Variants in NSFL1C observed in about 807,000 individuals in gnomAD.
The protein encoded by NSFL1C is NSFL1 cofactor p47.
A neutral mutation model predicts 43.1 loss-of-function variants in NSFL1C; 14 were observed. The ratio of observed to expected loss-of-function variants is 0.32; its 90% CI spans 0.21 to 0.51. The LOEUF is 0.51. Ranked by LOEUF, NSFL1C falls within the 20% of genes least tolerant of loss-of-function variation. The pLI, the probability that NSFL1C is intolerant of heterozygous loss-of-function variation, is 0.98. For missense variants in NSFL1C, 406 were observed against 472.5 expected, an observed-to-expected ratio of 0.86 and a Z score of 1.30; for synonymous variants, 171 against 183.5, an observed-to-expected ratio of 0.93 and a Z score of 0.55.
rs1386127159 is a variant in NSFL1C at position 1,443,838 on chromosome 20, T to C, written c.1024A>G (p.Thr342Ala). 1.9e-6 allele frequency: 3 copies of C among 1,614,020 alleles called. No homozygotes were observed. Among genetic ancestry groups the C allele is most frequent in the African/African-American group, 1.3e-5 (1 of 75,024 alleles). Residue 342 changes from threonine (T) to alanine (A), a missense_variant, in exon 9 of 9, where the codon ACT becomes GCT. Coordinates refer to ENST00000216879, the MANE Select transcript of NSFL1C (RefSeq NM_016143.5). ...TCAGCCAGCTCTTTGTTCGGGAAAGTAGTCATGAGGATAAAGCTGGTGGCA... is the reference window on the plus strand; with the variant it reads ...TCAGCCAGCTCTTTGTTCGGGAAAGCAGTCATGAGGATAAAGCTGGTGGCA... ...MAATSFILMT[T>A]FPNKELADES... is the part of the protein sequence containing the mutation.
Position 1,452,732 on chromosome 20 carries a change from G to A in NSFL1C, c.648-102C>T, listed in dbSNP as rs968777284. 5.6e-5 allele frequency: 81 copies of A among 1,444,508 alleles called. 2 individuals carry two copies. The highest frequency in any genetic ancestry group is 2.1e-4 in the African/African-American group (15 of 70,782). The allele number at this position is 1,444,508 out of a possible 1,614,324, so 89.5% of individuals were successfully genotyped here. A position where few individuals can be genotyped will look rare whatever the true frequency, so the allele number is the denominator to read the frequency against. ...CCTCTCAGTCCCGTGGTGAAAAATC[G>A]CTGGGCCTCCAAAGGGAGCAGGCTA... On this transcript the variant is annotated intron_variant, in intron 6 of 8. Coordinates refer to ENST00000216879, the MANE Select transcript of NSFL1C (RefSeq NM_016143.5).
intron 2 of NSFL1C, among the ~76,000 whole-genome samples, chr20:1,462,243 G>A (rs1033837233): frequency 1.3e-5 from 2 of 152,134 alleles, no homozygotes; most frequent in African/African-American, 4.8e-5. Flanking sequence ...AGCAGAGGCA[G>A]GCCCCACACA....
Position 1,443,886 on chromosome 20 carries a change from C to G in NSFL1C, c.976G>C (p.Val326Leu). Residue 326 changes from valine (V) to leucine (L), a missense_variant, in exon 9 of 9, where the codon GTG (valine) becomes CTG (leucine). Transcript: ENST00000216879. ...GCAGCCATGGCTGGCCGGGCATCCA[C>G]GATGAAGAGTCGGATGTCGCTGATC... is the stretch of plus-strand genomic sequence containing the variant. ...HRISDIRLFI[V>L]DARPAMAATS... 6.2e-7 allele frequency: 1 copy of G among 1,612,866 alleles called. No homozygotes were observed. Among genetic ancestry groups the G allele is most frequent in the East Asian group, 2.2e-5 (1 of 44,866 alleles).
intron 6 of NSFL1C, 114 bp from the exon 7 acceptor site, chr20:1,452,744 A>G: frequency 7.5e-7 from 1 of 1,336,722 alleles, no homozygotes; most frequent in Non-Finnish European, 1.0e-6. Flanking sequence ...TGGGCCTCCA[A>G]AGGGAGCAGG....
At chr20:1,455,296 C>G in intron 3 of NSFL1C, 164 bp from the exon 4 acceptor site, 1 of 801,054 alleles carries the variant, frequency 1.2e-6, no homozygotes, top group Non-Finnish European at 2.1e-6. Context: ...AGGTAAAATG[C>G]AGTGTGAGCA....
At chr20:1,449,642 A>T (rs2090287269) in intron 7 of NSFL1C, among the ~76,000 whole-genome samples, 1 of 152,142 alleles carries the variant, frequency 6.6e-6, no homozygotes. Flanking sequence ...GAAAGGTTAG[A>T]GCAGACGTCT....
intron 3 of NSFL1C, chr20:1,457,160 T>C (rs770806354): frequency 2.0e-5 from 3 of 152,236 alleles, no homozygotes; most frequent in African/African-American, 4.8e-5. Flanking sequence ...AATATACACT[T>C]ATAAGCCTAT....
At chr20:1,455,879 A>T (rs1406951633) in intron 3 of NSFL1C, 6 of 678,964 alleles carry the variant, frequency 8.8e-6, no homozygotes, top group Non-Finnish European at 1.6e-5. Flanking sequence ...CCCTGAGGAA[A>T]GGGTACTGGA....
intron 7 of NSFL1C, 32 bp from the exon 8 acceptor site, chr20:1,445,862 C>G: frequency 6.2e-7 from 1 of 1,608,374 alleles, no homozygotes. Flanking sequence ...AGAACACAAG[C>G]AGAAACAAGG....
chr20:1,453,972 A>C (rs1327489236), intron 5 of NSFL1C, among the ~76,000 whole-genome samples: 2 of 151,984 alleles, frequency 1.3e-5, no homozygotes, highest in African/African-American at 4.8e-5. Flanking sequence ...CTGCTCAAAA[A>C]ACTCCTTCAT....
At position 1,466,669 on chromosome 20, in the gene NSFL1C, C is replaced by A. The variant is rs755127809; in HGVS notation, c.105+51G>T. ...CCGCGGGCTTAAGGCACCAGGCGCC[C>A]GCTCCCAGCAGTCCCCGGCCCACCC... is the stretch of plus-strand genomic sequence containing the variant. On this transcript the variant is annotated intron_variant, in intron 1 of 8. Transcript: ENST00000216879. 3 of 1,495,718 alleles carry A rather than the reference C, an allele frequency of 2.0e-6. No individual in the cohort carries two copies. The South Asian group carries it at 3.6e-5, about 18-fold the overall frequency. 92.7% of individuals were successfully genotyped at this position (1,495,718 alleles called of 1,614,324 possible). A position where few individuals can be genotyped will look rare whatever the true frequency, so the allele number is the denominator to read the frequency against.
At chr20:1,445,403 G>A (rs2090037040) in intron 8 of NSFL1C, among the ~76,000 whole-genome samples, 1 of 152,136 alleles carries the variant, frequency 6.6e-6, no homozygotes, top group Non-Finnish European at 1.5e-5. Context: ...AAAAAGCCCT[G>A]AGAAATCTAA....
At chr20:1,454,462 C>T (rs2090254152) in intron 4 of NSFL1C, among the ~76,000 whole-genome samples, 157 bp from the exon 5 acceptor site, 1 of 152,214 alleles carries the variant, frequency 6.6e-6, no homozygotes, top group African/African-American at 2.4e-5. Flanking sequence ...TGATATCAGA[C>T]TCAGTGCCTA....
intron 1 of NSFL1C, among the ~76,000 whole-genome samples, chr20:1,465,590 C>T (rs2090493595): frequency 6.6e-6 from 1 of 152,180 alleles, no homozygotes; most frequent in African/African-American, 2.4e-5. Context: ...GAGTAATTTA[C>T]GTTTGGCAGC....
intron 8 of NSFL1C, 115 bp downstream of exon 8, chr20:1,445,551 A>T: frequency 8.2e-7 from 1 of 1,217,622 alleles, no homozygotes; most frequent in Non-Finnish European, 1.2e-6. Flanking sequence ...GCTTTGGGGA[A>T]AGCATGGAGT....
At chr20:1,453,927 C>T (rs2122882441) in intron 5 of NSFL1C, among the ~76,000 whole-genome samples, 1 of 152,214 alleles carries the variant, frequency 6.6e-6, no homozygotes, top group Admixed American at 6.5e-5. Flanking sequence ...CTAGAGAACC[C>T]CAGATACACT....
At chr20:1,455,490 T>G (rs1305872200) in intron 3 of NSFL1C, among the ~76,000 whole-genome samples, 1 of 152,184 alleles carries the variant, frequency 6.6e-6, no homozygotes, top group Non-Finnish European at 1.5e-5. Context: ...GGACTATCAA[T>G]CTGGTGGCCA....
At chr20:1,455,776 G>T in intron 3 of NSFL1C, 1 of 778,464 alleles carries the variant, frequency 1.3e-6, no homozygotes, top group South Asian at 1.3e-5. Context: ...AACAAGCACA[G>T]AGTAATGCAC....
Position 1,451,821 on chromosome 20 carries a change from AG to A in NSFL1C, c.785+671del, listed in dbSNP as rs1229484581. Among the ~76,000 whole-genome samples the A allele has an allele frequency of 5.9e-5, 9 of 152,222 alleles. No individual in the cohort carries two copies. The East Asian group carries it at 1.3e-3, about 23-fold the overall frequency. On this transcript the variant is annotated intron_variant, in intron 7 of 8. Transcript: ENST00000216879. ...GAAGATAGAGAATGTCTGTTAGTAGAGGGTACAGGAGTGAGAAGGCAGTAGC... is the reference window on the plus strand; with the variant it reads ...GAAGATAGAGAATGTCTGTTAGTAGAGGTACAGGAGTGAGAAGGCAGTAGC...
Sources: allele counts gnomAD v4.1 joint callset (sites outside exome capture counted in the v4.1 genomes callset), GRCh38; gene constraint gnomAD v4.1.1; transcripts MANE v1.5; gene names NCBI Gene and HGNC (gene_info 2026-07-23, HGNC 2026-07-21).